ZNF529: variants seen among roughly 807,000 people sequenced by gnomAD.
ZNF529 encodes the protein zinc finger protein 529.
Under a neutral mutation model 10.1 loss-of-function variants are expected in ZNF529, and 11 were observed. The ratio of observed to expected loss-of-function variants is 1.09; its 90% confidence interval spans 0.69 to 1.81. ZNF529 has a LOEUF of 1.81. Among genes scored for constraint, ZNF529 ranks in the 40% most tolerant of loss-of-function variants. ZNF529 has a pLI of 0.00. For synonymous variants in ZNF529, 204 were observed against 215.7 expected, an observed-to-expected ratio of 0.95 and a Z score of 0.47; for missense variants, 624 against 666.8, an observed-to-expected ratio of 0.94 and a Z score of 0.71.
chr19:36,597,136 C>G (rs1255607096), intron 1 of ZNF529, among the ~76,000 whole-genome samples: 1 of 152,136 alleles, frequency 6.6e-6, no homozygotes, highest in East Asian at 1.9e-4. Context: ...CCCTCAAATG[C>G]TGGGATTATA....
chr19:36,571,736 T>C (rs1012783239), intron 2 of ZNF529, among the ~76,000 whole-genome samples: 1 of 151,702 alleles, frequency 6.6e-6, no homozygotes, highest in African/African-American at 2.4e-5. Flanking sequence ...CTTTATATTA[T>C]ATTTGCATTA....
intron 4 of ZNF529, among the ~76,000 whole-genome samples, chr19:36,553,639 T>C (rs968398785): frequency 3.9e-5 from 6 of 152,198 alleles, no homozygotes; most frequent in Admixed American, 6.5e-5. Context: ...CATCAATATA[T>C]AAATTGTAGA....
intron 4 of ZNF529, among the ~76,000 whole-genome samples, chr19:36,549,863 AT>A (rs1340071637): frequency 6.6e-6 from 1 of 152,192 alleles, no homozygotes; most frequent in Non-Finnish European, 1.5e-5. Flanking sequence ...CCAAAAATAT[AT>A]TTCAGATATT....
At chr19:36,593,715 CAAGAT>C (rs1202475020) in intron 1 of ZNF529, 1 of 152,102 alleles carries the variant, frequency 6.6e-6, no homozygotes, top group African/African-American at 2.4e-5. Context: ...TAGGACATTT[CAAGAT>C]AAGATAATGT....
rs1200417518 is a variant in ZNF529 at position 36,545,791 on chromosome 19, AT to A, written c.*1074del. On this transcript the variant is annotated 3_prime_UTR_variant, in exon 5 of 5. Transcript: ENST00000591340. ...TTCTCTTAATGTAAGTTCAGTGGTC[AT>A]TTTTTCTCCCCTTTTAAAGGTGTTT... is the stretch of plus-strand genomic sequence containing the variant. 2 of 152,058 alleles carry A rather than the reference AT, an allele frequency of 1.3e-5. No homozygotes were observed. The highest frequency in any genetic ancestry group is 2.4e-5 in the African/African-American group (1 of 41,404). 9.4% of individuals were successfully genotyped at this position (152,058 alleles called of 1,614,324 possible).
intron 2 of ZNF529, among the ~76,000 whole-genome samples, chr19:36,569,081 A>G (rs1382534903): frequency 6.6e-6 from 1 of 152,196 alleles, no homozygotes; most frequent in Non-Finnish European, 1.5e-5. Context: ...AACTGGTAAA[A>G]GCATATACAC....
intron 2 of ZNF529, among the ~76,000 whole-genome samples, chr19:36,563,244 A>G (rs2035776759): frequency 6.6e-6 from 1 of 151,828 alleles, no homozygotes; most frequent in Admixed American, 6.6e-5. Flanking sequence ...ACACAGTGAA[A>G]CCCTGTCTAT....
intron 2 of ZNF529, among the ~76,000 whole-genome samples, chr19:36,569,208 G>A (rs1317927948): frequency 1.3e-5 from 2 of 151,848 alleles, no homozygotes; most frequent in East Asian, 3.9e-4. Context: ...CAAAAATTAG[G>A]AGAAGTAGCT....
intron 1 of ZNF529, among the ~76,000 whole-genome samples, chr19:36,593,342 A>AT (rs369809690): frequency 2.6e-5 from 4 of 152,030 alleles, no homozygotes; most frequent in African/African-American, 9.7e-5. Flanking sequence ...CACCTGGCTA[A>AT]TTTTTTATAG....
intron 2 of ZNF529, among the ~76,000 whole-genome samples, chr19:36,557,813 A>G (rs933177371): frequency 2.0e-5 from 3 of 152,190 alleles, no homozygotes; most frequent in Admixed American, 1.3e-4. Context: ...TGATTCACAC[A>G]CTGGAAAAGA....
chr19:36,554,924 T>C, intron 3 of ZNF529, 128 bp from the exon 4 acceptor site: 1 of 753,700 alleles, frequency 1.3e-6, no homozygotes, highest in East Asian at 3.4e-5. Flanking sequence ...GACTGTGACA[T>C]GGGAAGTAAG....
rs1298422037 is a variant in ZNF529 at position 36,556,154 on chromosome 19, GCATGAC to G, written c.52_57del (p.Val18_Met19del). 7 of 1,494,202 alleles carry G rather than the reference GCATGAC, an allele frequency of 4.7e-6. No homozygotes were observed. Among genetic ancestry groups the G allele is most frequent in the Middle Eastern group, 1.7e-4 (1 of 5,884 alleles). 92.6% of individuals were successfully genotyped at this position (1,494,202 alleles called of 1,614,324 possible). On this transcript the variant is annotated inframe_deletion, in exon 3 of 5. Coordinates refer to ENST00000591340, the MANE Select transcript of ZNF529 (RefSeq NM_020951.5). ...AATTGGTCAGGGAATTCCACTTCTG[GCATGAC>G]AGCATGAGGAGCTCCATGGACATGA...
intron 3 of ZNF529, among the ~76,000 whole-genome samples, chr19:36,555,037 C>G (rs2035412316): frequency 6.6e-6 from 1 of 152,138 alleles, no homozygotes. Flanking sequence ...CCAACCATGT[C>G]TGGAAATTAA....
intron 2 of ZNF529, among the ~76,000 whole-genome samples, chr19:36,570,106 AT>A (rs1301131794): frequency 2.6e-5 from 4 of 152,142 alleles, no homozygotes; most frequent in Admixed American, 2.6e-4. Context: ...CACACCTGTA[AT>A]TCCAACACTT....
chr19:36,583,546 C>G (rs2036516936), intron 2 of ZNF529, among the ~76,000 whole-genome samples: 1 of 150,574 alleles, frequency 6.6e-6, no homozygotes, highest in Admixed American at 6.6e-5. Flanking sequence ...GAGATGAGCT[C>G]AAAAACAAAC....
At chr19:36,557,102 C>T (rs1174847091) in intron 2 of ZNF529, among the ~76,000 whole-genome samples, 3 of 152,122 alleles carry the variant, frequency 2.0e-5, no homozygotes, top group African/African-American at 4.8e-5. Flanking sequence ...AATGTATACT[C>T]CAGGGCACTT....
In ZNF529 at chr19:36,564,278, C is replaced by T. The variant is rs188107193; in HGVS notation, c.14+8055G>A. On this transcript the variant is annotated intron_variant, in intron 2 of 4. Coordinates refer to ENST00000591340, the MANE Select transcript of ZNF529 (RefSeq NM_020951.5). ...AAGTGAGACCTAACTAAAGAGCTTC[C>T]GCTCAGCAAAAGAAATTATCAACAG... is the stretch of plus-strand genomic sequence containing the variant. 2.1e-3 allele frequency among the ~76,000 whole-genome samples: 319 copies of T among 152,178 alleles called. 2 individuals carry two copies. Among genetic ancestry groups the T allele is most frequent in the African/African-American group, 7.3e-3 (304 of 41,544 alleles).
intron 1 of ZNF529, among the ~76,000 whole-genome samples, chr19:36,604,577 G>A (rs1399661777): frequency 2.6e-5 from 3 of 115,738 alleles, no homozygotes; most frequent in Non-Finnish European, 5.3e-5. Flanking sequence ...CAGGGGCCAT[G>A]CTTTAGAACA....
Position 36,550,820 on chromosome 19 carries a change from C to T in ZNF529, c.236-2498G>A, listed in dbSNP as rs116984536. ...AAACATACACAAAATGTTATTAAGA[C>T]TCCTATGCTAATAAAGCTGAAAATG... On this transcript the variant is annotated intron_variant, in intron 4 of 4. Coordinates refer to ENST00000591340, the MANE Select transcript of ZNF529 (RefSeq NM_020951.5). 3.6e-4 allele frequency among the ~76,000 whole-genome samples: 55 copies of T among 152,130 alleles called. No homozygotes were observed. The East Asian group carries it at 9.8e-3, about 27-fold the overall frequency.
Sources: allele counts gnomAD v4.1 joint callset (sites outside exome capture counted in the v4.1 genomes callset), GRCh38; gene constraint gnomAD v4.1.1; transcripts MANE v1.5; gene names NCBI Gene and HGNC (gene_info 2026-07-23, HGNC 2026-07-21).